The following COL6A6 variants were observed in gnomAD, a reference collection of about 807,000 sequenced individuals.
COL6A6 encodes collagen type VI alpha 6 chain.
A neutral mutation model predicts 208.6 loss-of-function variants in COL6A6; 183 were observed. The observed-to-expected ratio is 0.88, with a 90% CI of 0.78 to 0.99. COL6A6 has a LOEUF of 0.99. COL6A6 is among the 50% of genes least tolerant of loss of function. The probability of loss-of-function intolerance (pLI) is 0.00; values close to 1 mark genes in which losing one functional copy is unlikely to be tolerated. For missense variants in COL6A6, 2,816 were observed against 2,815.2 expected (o/e 1.00, Z -0.01); for synonymous variants, 973 against 1,011.8 (o/e 0.96, Z 0.73).
At chr3:130,606,555 C>T (rs1377821760) in intron 20 of COL6A6, among the ~76,000 whole-genome samples, 1 of 152,142 alleles carries the variant, frequency 6.6e-6, no homozygotes, top group East Asian at 1.9e-4. Flanking sequence ...TCCTGGATTC[C>T]TTGGTAGTGC....
At chr3:130,654,478 A>G (rs2065734068) in intron 33 of COL6A6, among the ~76,000 whole-genome samples, 1 of 152,236 alleles carries the variant, frequency 6.6e-6, no homozygotes, top group Admixed American at 6.5e-5. Context: ...CTTAATAGCT[A>G]TTAATAATGC....
chr3:130,651,341 G>A (rs185573486), intron 33 of COL6A6, among the ~76,000 whole-genome samples: 12 of 147,888 alleles, frequency 8.1e-5, no homozygotes, highest in African/African-American at 2.8e-4. Flanking sequence ...CAGGAGAATC[G>A]CTTGAACCCA....
In COL6A6 at chr3:130,543,074, T is replaced by G. The variant is rs143401545; in HGVS notation, c.-31-17260T>G. Among the ~76,000 whole-genome samples the G allele has an allele frequency of 2.7e-3, 417 of 151,872 alleles. 12 individuals carry two copies. In the East Asian group the frequency reaches 0.071, roughly 26 times the overall value. ...GCACGTGCCACCATGCCTAGCTAAT[T>G]TTTGTATTTTTAGTAGAGACAGGGT... On this transcript the variant is annotated intron_variant, in intron 1 of 36. Transcript: ENST00000358511.
At chr3:130,660,615 G>T (rs1316884789) in intron 34 of COL6A6, among the ~76,000 whole-genome samples, 1 of 152,162 alleles carries the variant, frequency 6.6e-6, no homozygotes, top group Non-Finnish European at 1.5e-5. Flanking sequence ...CCCTGAAAGG[G>T]GTCTGTAGGT....
rs149727307 is a variant in COL6A6, at chr3:130,570,828, G to T, written c.2412G>T (p.Arg804=). Residue 804 remains arginine (R), a synonymous_variant, in exon 7 of 37, where the codon CGG becomes CGT. Coordinates refer to ENST00000358511, the MANE Select transcript of COL6A6 (RefSeq NM_001102608.3). ...CTCTTCCTCTTTCAGAATGCAAGCGGATTGAAGTTTTAGACGTTGTGTTTG... is the reference window on the plus strand; with the variant it reads ...CTCTTCCTCTTTCAGAATGCAAGCGTATTGAAGTTTTAGACGTTGTGTTTG... ...GICSPREECK[R]IEVLDVVFVI... 7.6e-4 allele frequency: 1,229 copies of T among 1,610,294 alleles called. 14 individuals carry two copies. The African/African-American group carries it at 0.015, about 19-fold the overall frequency.
At chr3:130,654,816 T>C (rs1400746386) in intron 33 of COL6A6, among the ~76,000 whole-genome samples, 1 of 152,150 alleles carries the variant, frequency 6.6e-6, no homozygotes, top group African/African-American at 2.4e-5. Context: ...TCAGTCTCCC[T>C]GAGAATTTGG....
At chr3:130,558,314 TATC>T (rs2062811008) in intron 1 of COL6A6, among the ~76,000 whole-genome samples, 1 of 152,142 alleles carries the variant, frequency 6.6e-6, no homozygotes, top group African/African-American at 2.4e-5. Context: ...CAGCTTGCCT[TATC>T]ATACACCACC....
At position 130,593,080 on chromosome 3, in the gene COL6A6, G is replaced by A. The variant is rs2063758327; in HGVS notation, c.4391G>A (p.Gly1464Glu). 1 of 1,613,522 alleles carries A rather than the reference G, an allele frequency of 6.2e-7. No individual in the cohort carries two copies. Among genetic ancestry groups the A allele is most frequent in the Admixed American group, 1.7e-5 (1 of 60,002 alleles). Residue 1464 changes from glycine to glutamate, a missense_variant, in exon 16 of 37, where the codon GGA (glycine) becomes GAA (glutamate). Transcript: ENST00000358511. Reference protein sequence around the residue: ...NGQEGEVGENGIDGLNGEQGD... With the variant: ...NGQEGEVGENEIDGLNGEQGD... The stretch of plus-strand genomic sequence containing the variant: ...TTTCAGGGAGAAGTTGGGGAAAATG[G>A]AATTGACGGATTAAACGGAGAACAG...
chr3:130,574,144 A>G lies in COL6A6; in HGVS notation c.3166A>G (p.Thr1056Ala). The change falls in exon 8 of 37, where the codon ACT (threonine) becomes GCT (alanine). Residue 1056 changes from threonine (T) to alanine (A), a missense_variant. Coordinates refer to ENST00000358511, the MANE Select transcript of COL6A6 (RefSeq NM_001102608.3). ...CTATCACCCGGAGTTTCCACTGGGAACTTTCATAGGTGAAAAAGAGATATC... is the reference window on the plus strand; with the variant it reads ...CTATCACCCGGAGTTTCCACTGGGAGCTTTCATAGGTGAAAAAGAGATATC... ...DTYHPEFPLG[T>A]FIGEKEISFQ... The G allele has an allele frequency of 6.2e-7, 1 of 1,614,000 alleles. No individual in the cohort carries two copies. Among genetic ancestry groups the G allele is most frequent in the Non-Finnish European group, 8.5e-7 (1 of 1,179,888 alleles).
chr3:130,641,263 C>T (rs1257434812), intron 28 of COL6A6, among the ~76,000 whole-genome samples: 1 of 151,086 alleles, frequency 6.6e-6, no homozygotes, highest in Non-Finnish European at 1.5e-5. Flanking sequence ...AATCATGGTA[C>T]AACCATGTGA....
At chr3:130,585,428 A>G (rs2063515770) in intron 10 of COL6A6, among the ~76,000 whole-genome samples, 1 of 152,232 alleles carries the variant, frequency 6.6e-6, no homozygotes, top group Admixed American at 6.5e-5. Context: ...GAACCTTACA[A>G]ATAAGATAAT....
At chr3:130,620,421 T>TA (rs2108265274) in intron 23 of COL6A6, among the ~76,000 whole-genome samples, 1 of 152,162 alleles carries the variant, frequency 6.6e-6, no homozygotes, top group African/African-American at 2.4e-5. Flanking sequence ...TGACAGAAGT[T>TA]AAGGGAAAAG....
intron 2 of COL6A6, among the ~76,000 whole-genome samples, chr3:130,561,640 T>C (rs1167241318): frequency 1.6e-4 from 2 of 12,550 alleles, no homozygotes; most frequent in African/African-American, 2.7e-4. Flanking sequence ...TCTACTTTTT[T>C]TTTTTTTTTT....
At chr3:130,623,501 A>G (rs1291511580) in intron 24 of COL6A6, among the ~76,000 whole-genome samples, 1 of 152,224 alleles carries the variant, frequency 6.6e-6, no homozygotes, top group Non-Finnish European at 1.5e-5. Context: ...GAAAGCTAGG[A>G]GAACAGTTGG....
At chr3:130,601,920 A>G (rs1344858993) in intron 20 of COL6A6, among the ~76,000 whole-genome samples, 1 of 152,246 alleles carries the variant, frequency 6.6e-6, no homozygotes, top group East Asian at 1.9e-4. Flanking sequence ...GACCTCATGC[A>G]GGGATCAGAT....
intron 27 of COL6A6, 136 bp from the exon 28 acceptor site, chr3:130,635,559 ACACT>A: frequency 6.7e-6 from 4 of 597,552 alleles, no homozygotes; most frequent in Non-Finnish European, 1.2e-5. Flanking sequence ...GGAAACACAC[ACACT>A]CACACTCTTC....
intron 1 of COL6A6, among the ~76,000 whole-genome samples, chr3:130,537,724 G>T (rs1559962168): frequency 6.6e-6 from 1 of 152,186 alleles, no homozygotes; most frequent in Non-Finnish European, 1.5e-5. Context: ...TAGCTGTAAT[G>T]AATATTTTAT....
chr3:130,535,123 T>G (rs2062193042), intron 1 of COL6A6, among the ~76,000 whole-genome samples: 1 of 68,582 alleles, frequency 1.5e-5, no homozygotes, highest in African/African-American at 2.8e-5. Context: ...CTCATTCTCT[T>G]TTTTCCCCCT....
chr3:130,518,163 A>T (rs1710852448), intron 1 of COL6A6, among the ~76,000 whole-genome samples: 2 of 152,142 alleles, frequency 1.3e-5, no homozygotes, highest in African/African-American at 4.8e-5. Flanking sequence ...ATATTTAAAG[A>T]GGACCTTTTG....
Sources: gnomAD v4.1 joint callset for allele counts (sites outside exome capture counted in the v4.1 genomes callset) on GRCh38, gnomAD v4.1.1 for gene constraint, MANE v1.5 for transcripts, NCBI Gene and HGNC (gene_info 2026-07-23, HGNC 2026-07-21) for gene names.